OPCML: variants seen among roughly 807,000 people sequenced by gnomAD.
The protein encoded by OPCML is opioid binding protein/cell adhesion molecule like.
In OPCML, 13 loss-of-function variants were observed where a neutral mutation model predicts 37.8. The ratio of observed to expected loss-of-function variants is 0.34; its 90% CI spans 0.22 to 0.55. The LOEUF (loss-of-function observed/expected upper bound fraction) is 0.55, where lower values mean the gene tolerates loss of function less well. OPCML is among the 20% of genes least tolerant of loss of function. The pLI is 0.91. For synonymous variants in OPCML, 176 were observed against 168.8 expected (o/e 1.04, Z -0.33); for missense variants, 341 against 435.6 (o/e 0.78, Z 1.93).
At chr11:132,654,555 T>C (rs1299562974) in intron 3 of OPCML, among the ~76,000 whole-genome samples, 1 of 147,910 alleles carries the variant, frequency 6.8e-6, no homozygotes, top group Non-Finnish European at 1.5e-5. Context: ...CAAGAGAAGG[T>C]CCTCCCCAAA....
At chr11:132,582,370 T>A (rs1323953539) in intron 3 of OPCML, among the ~76,000 whole-genome samples, 1 of 151,654 alleles carries the variant, frequency 6.6e-6, no homozygotes, top group East Asian at 1.9e-4. Flanking sequence ...ATAAGAACTA[T>A]CAAGAAATAG....
intron 1 of OPCML, among the ~76,000 whole-genome samples, chr11:132,968,348 C>T (rs1038277829): frequency 2.0e-5 from 3 of 152,156 alleles, no homozygotes; most frequent in African/African-American, 7.2e-5. Flanking sequence ...TTAAGAGCTA[C>T]ACTTAGTGAG....
intron 1 of OPCML, among the ~76,000 whole-genome samples, chr11:133,222,157 T>C (rs1939863578): frequency 6.6e-6 from 1 of 152,012 alleles, no homozygotes; most frequent in South Asian, 2.1e-4. Flanking sequence ...GGCAGGGCTG[T>C]AGAGACCAGA....
At chr11:133,530,458 C>T (rs755138780) in intron 1 of OPCML, among the ~76,000 whole-genome samples, 12 of 152,218 alleles carry the variant, frequency 7.9e-5, no homozygotes, top group East Asian at 7.7e-4. Flanking sequence ...GGAGGGGAAG[C>T]GGGTATGAGG....
intron 1 of OPCML, among the ~76,000 whole-genome samples, chr11:133,325,180 C>T (rs1943419155): frequency 6.6e-6 from 1 of 152,210 alleles, no homozygotes; most frequent in Non-Finnish European, 1.5e-5. Context: ...ATGAAAAGCC[C>T]AGTACATTCT....
In OPCML at chr11:133,249,702, C is replaced by T. The variant is rs112586331; in HGVS notation, c.61+282562G>A. ...CATCTGCCAGAGCTGCCAATAAAAC[C>T]TCCACTGCCTGTGAAGATGTGATTC... On this transcript the variant is annotated intron_variant, in intron 1 of 7. Transcript: ENST00000524381. 1.2e-3 allele frequency among the ~76,000 whole-genome samples: 187 copies of T among 152,278 alleles called. 1 individual carries two copies. Among genetic ancestry groups the T allele is most frequent in the African/African-American group, 4.1e-3 (172 of 41,554 alleles).
chr11:132,537,408 A>T (rs537895431), intron 3 of OPCML, among the ~76,000 whole-genome samples: 2 of 152,322 alleles, frequency 1.3e-5, no homozygotes, highest in South Asian at 4.1e-4. Context: ...TTGGACCCCT[A>T]CTTCATACCA....
chr11:132,616,584 T>A (rs1267438053), intron 3 of OPCML, among the ~76,000 whole-genome samples: 2 of 152,242 alleles, frequency 1.3e-5, no homozygotes, highest in African/African-American at 4.8e-5. Flanking sequence ...ATGTTCTAGA[T>A]TTTTATTCCT....
chr11:132,743,036 T>G (rs931289882), intron 2 of OPCML, among the ~76,000 whole-genome samples: 5 of 152,006 alleles, frequency 3.3e-5, no homozygotes, highest in African/African-American at 1.2e-4. Context: ...TCTTACGTAT[T>G]CCCAAGATCA....
At position 133,012,870 on chromosome 11, in the gene OPCML, C is replaced by CAA. The variant is rs11456619; in HGVS notation, c.62-69862_62-69861dup. On this transcript the variant is annotated intron_variant, in intron 1 of 7. Transcript: ENST00000524381. Reference sequence around the variant, plus strand: ...AGGCAACAGCAGTGAAACTCCATCTCAAAAAAAAAAAAAAAAAGAAAAAAA... The same window carrying CAA: ...AGGCAACAGCAGTGAAACTCCATCTCAAAAAAAAAAAAAAAAAAAGAAAAAAA... Among the ~76,000 whole-genome samples, 733 of 113,046 alleles carry CAA rather than the reference C, an allele frequency of 6.5e-3. 3 individuals are homozygous for CAA. Among genetic ancestry groups the CAA allele is most frequent in the Admixed American group, 8.6e-3 (98 of 11,386 alleles). 74.2% of individuals were successfully genotyped at this position (113,046 alleles called of 152,430 possible).
chr11:133,084,362 A>ACATC (rs1479259747), intron 1 of OPCML, among the ~76,000 whole-genome samples: 1 of 152,188 alleles, frequency 6.6e-6, no homozygotes, highest in Non-Finnish European at 1.5e-5. Context: ...AGGCTAATTA[A>ACATC]CATCCGATGA....
At chr11:133,117,962 C>A (rs984796049) in intron 1 of OPCML, 20 of 981,820 alleles carry the variant, frequency 2.0e-5, no homozygotes, top group Non-Finnish European at 2.4e-5. Context: ...TTCCCCCATC[C>A]TTGGGGAACT....
At chr11:132,716,454 C>T (rs1170993464) in intron 2 of OPCML, among the ~76,000 whole-genome samples, 1 of 148,532 alleles carries the variant, frequency 6.7e-6, no homozygotes, top group African/African-American at 2.5e-5. Flanking sequence ...ATCTATCTAT[C>T]ATCTGTCTAC....
intron 1 of OPCML, among the ~76,000 whole-genome samples, chr11:133,406,017 C>T (rs989999308): frequency 3.9e-5 from 6 of 152,172 alleles, no homozygotes; most frequent in Admixed American, 2.0e-4. Flanking sequence ...TGGGTCTTGC[C>T]TTGCTTCCAC....
chr11:133,137,510 A>G (rs1462639440), intron 1 of OPCML, among the ~76,000 whole-genome samples: 1 of 152,184 alleles, frequency 6.6e-6, no homozygotes. Context: ...GGAGTTCCAG[A>G]TATCTCTCAT....
intron 2 of OPCML, among the ~76,000 whole-genome samples, chr11:132,766,851 A>G (rs974130077): frequency 6.6e-6 from 1 of 152,214 alleles, no homozygotes; most frequent in Non-Finnish European, 1.5e-5. Context: ...CTGAATAATA[A>G]CTGCATATTA....
intron 4 of OPCML, among the ~76,000 whole-genome samples, chr11:132,472,973 G>A (rs1418479139): frequency 6.6e-6 from 1 of 152,188 alleles, no homozygotes; most frequent in Non-Finnish European, 1.5e-5. Flanking sequence ...GTATCCTTAG[G>A]CTCTTAGATC....
intron 1 of OPCML, among the ~76,000 whole-genome samples, chr11:133,081,918 C>T (rs1453562732): frequency 6.6e-6 from 1 of 152,130 alleles, no homozygotes; most frequent in Non-Finnish European, 1.5e-5. Flanking sequence ...CTTTCTCTTC[C>T]AGGCATCTGT....
intron 1 of OPCML, among the ~76,000 whole-genome samples, chr11:133,263,507 T>C (rs1941556969): frequency 6.6e-6 from 1 of 152,172 alleles, no homozygotes; most frequent in Non-Finnish European, 1.5e-5. Context: ...TGTAGTAGGC[T>C]GTACCTTCTA....
Sources: gnomAD v4.1 joint callset for allele counts (sites outside exome capture counted in the v4.1 genomes callset) on GRCh38, gnomAD v4.1.1 for gene constraint, MANE v1.5 for transcripts, NCBI Gene and HGNC (gene_info 2026-07-23, HGNC 2026-07-21) for gene names.